The following ELP6 variants were observed in gnomAD, a reference collection of about 807,000 sequenced individuals.
The protein encoded by ELP6 is elongator complex protein 6.
In ELP6, 23 loss-of-function variants were observed where a neutral mutation model predicts 28.1. The ratio of observed to expected loss-of-function variants is 0.82; its 90% CI spans 0.59 to 1.16. ELP6 has a LOEUF of 1.16. Among genes scored for constraint, ELP6 ranks in the 50% most tolerant of loss-of-function variants. The pLI is 0.00. For missense variants in ELP6, 313 were observed against 334.6 expected, an observed-to-expected ratio of 0.94 and a Z score of 0.50; for synonymous variants, 132 against 135.8, an observed-to-expected ratio of 0.97 and a Z score of 0.19.
Position 47,509,736 on chromosome 3 carries a change from T to C in ELP6, c.204+448A>G, listed in dbSNP as rs182375452. On this transcript the variant is annotated intron_variant, in intron 3 of 6. Coordinates refer to ENST00000296149, the MANE Select transcript of ELP6 (RefSeq NM_001031703.3). ...AATAAGACATGCTGAGATGCTACCT[T>C]AGCCCTTCGAGTAAGGGGTTCAGGA... Among the ~76,000 whole-genome samples the C allele has an allele frequency of 2.6e-5, 4 of 152,136 alleles. No individual in the cohort carries two copies. In the East Asian group the frequency reaches 5.8e-4, roughly 22 times the overall value.
intron 3 of ELP6, among the ~76,000 whole-genome samples, chr3:47,506,683 G>A (rs1238235291): frequency 5.3e-5 from 8 of 152,016 alleles, no homozygotes; most frequent in Admixed American, 5.2e-4. Flanking sequence ...TTTTTTCAAG[G>A]TGCCCAGATT....
chr3:47,501,801 G>A lies in ELP6; in HGVS notation c.374C>T (p.Ala125Val), dbSNP rs763084928. 1.9e-6 allele frequency: 3 copies of A among 1,613,862 alleles called. No individual in the cohort carries two copies. The highest frequency in any genetic ancestry group is 2.2e-5 in the East Asian group (1 of 44,892). The change falls in exon 5 of 7, where the codon GCC becomes GTC. Residue 125 changes from alanine to valine, a missense_variant. Coordinates refer to ENST00000296149, the MANE Select transcript of ELP6 (RefSeq NM_001031703.3). ...CTCTCCACTGTCTACTGGCTTCAGG[G>A]CCTCCCGTACAAACTCAAACAATGG... is the stretch of plus-strand genomic sequence containing the variant. Reference protein sequence around the residue: ...LKPLFEFVREALKPVDSGEAR... With the variant: ...LKPLFEFVREVLKPVDSGEAR...
chr3:47,513,576 A>C lies in ELP6; in HGVS notation c.15T>G (p.Leu5=). 1 of 1,612,992 alleles carries C rather than the reference A, an allele frequency of 6.2e-7. No individual in the cohort carries two copies. The stretch of plus-strand genomic sequence containing the variant: ...CGGGGGTGGTGTTAAGCAGGTTATT[A>C]AGTTCCACGAACATTCCGAGCTCCT... MFVE[L]NNLLNTTPDR... Residue 5 remains leucine (L), a synonymous_variant, in exon 1 of 7, where the codon CTT becomes CTG. Transcript: ENST00000296149.
Position 47,498,378 on chromosome 3 carries a change from C to T in ELP6, c.580G>A (p.Asp194Asn), listed in dbSNP as rs1361532795. ...DSGDAEDEEN[D>N]ILLNGLSHQS... ...TGACTGAGGCCATTCAGCAGGATGT[C>T]ATTCTCCTCATCCTCCGCATCTCCA... The change falls in exon 6 of 7, where the codon GAC becomes AAC. Residue 194 changes from aspartate (D) to asparagine (N), a missense_variant. By Grantham distance (23) the Asp-to-Asn change is conservative. Coordinates refer to ENST00000296149, the MANE Select transcript of ELP6 (RefSeq NM_001031703.3). The T allele has an allele frequency of 4.3e-5, 69 of 1,613,692 alleles. No individual in the cohort carries two copies. Among genetic ancestry groups the T allele is most frequent in the Non-Finnish European group, 5.8e-5 (68 of 1,180,034 alleles).
In ELP6 at chr3:47,513,670, C is replaced by G; in HGVS notation, c.-80G>C. The G allele has an allele frequency of 1.3e-6, 2 of 1,564,520 alleles. No homozygotes were observed. The highest frequency in any genetic ancestry group is 2.3e-5 in the East Asian group (1 of 43,016). On this transcript the variant is annotated 5_prime_UTR_variant, in exon 1 of 7. Coordinates refer to ENST00000296149, the MANE Select transcript of ELP6 (RefSeq NM_001031703.3). Reference sequence around the variant, plus strand: ...ACGGAGGCTGGAGAGCAAAACACACCCGACAGCCCGGCTCGCGCAAGGAAG... The same window carrying G: ...ACGGAGGCTGGAGAGCAAAACACACGCGACAGCCCGGCTCGCGCAAGGAAG...
chr3:47,498,604 C>T, intron 5 of ELP6, 172 bp from the exon 6 acceptor site: 2 of 985,402 alleles, frequency 2.0e-6, no homozygotes, highest in Non-Finnish European at 2.4e-6. Flanking sequence ...TTCCAGTCAC[C>T]TACTGGACAA....
intron 1 of ELP6, 84 bp from the exon 2 acceptor site, chr3:47,511,310 A>G (rs572859673): frequency 6.6e-7 from 1 of 1,515,510 alleles, no homozygotes; most frequent in African/African-American, 1.4e-5. Context: ...TTGTGTCCAC[A>G]CCTTAATTTC....
intron 6 of ELP6, among the ~76,000 whole-genome samples, chr3:47,497,703 G>A (rs1708519006): frequency 1.3e-5 from 2 of 151,212 alleles, no homozygotes; most frequent in Non-Finnish European, 2.9e-5. Flanking sequence ...GGGGGGTGGG[G>A]GTGGATCACG....
intron 5 of ELP6, among the ~76,000 whole-genome samples, chr3:47,499,074 A>G (rs1708561933): frequency 6.6e-6 from 1 of 152,256 alleles, no homozygotes; most frequent in Non-Finnish European, 1.5e-5. Flanking sequence ...AATACTGTTC[A>G]GTTGTTAAAA....
At chr3:47,508,687 A>G (rs1192138097) in intron 3 of ELP6, among the ~76,000 whole-genome samples, 1 of 151,624 alleles carries the variant, frequency 6.6e-6, no homozygotes, top group Non-Finnish European at 1.5e-5. Context: ...TTCTTCTTAT[A>G]CATTTCTGGA....
chr3:47,502,610 G>T, intron 4 of ELP6: 1 of 943,960 alleles, frequency 1.1e-6, no homozygotes, highest in Non-Finnish European at 1.3e-6. Flanking sequence ...CAGCGGGGGA[G>T]GATCATTTGA....
At chr3:47,503,540 G>T in intron 4 of ELP6, 2 of 662,308 alleles carry the variant, frequency 3.0e-6, no homozygotes, top group Non-Finnish European at 4.4e-6. Flanking sequence ...AAACAGCCAA[G>T]GACAACATGC....
In ELP6 at chr3:47,498,395, G is replaced by C. The variant is rs62617110; in HGVS notation, c.563C>G (p.Ala188Gly). 44 of 1,613,242 alleles carry C rather than the reference G, an allele frequency of 2.7e-5. No individual in the cohort carries two copies. Among genetic ancestry groups the C allele is most frequent in the Non-Finnish European group, 5.9e-6 (7 of 1,180,022 alleles). ...MVVLVHDSGD[A>G]EDEENDILLN... ...CAGGATGTCATTCTCCTCATCCTCC[G>C]CATCTCCACTGTCGTGCACAAGGAC... is the stretch of plus-strand genomic sequence containing the variant. The change falls in exon 6 of 7, where the codon GCG becomes GGG. Residue 188 changes from alanine to glycine, a missense_variant. Ala to Gly is a moderately conservative substitution (Grantham distance 60). Transcript: ENST00000296149.
intron 3 of ELP6, among the ~76,000 whole-genome samples, chr3:47,508,221 ATTTTATT>A (rs1239242765): frequency 2.0e-5 from 3 of 152,202 alleles, no homozygotes; most frequent in Admixed American, 6.5e-5. Context: ...ACTGGATTTT[ATTTTATT>A]TTTTATTTTT....
At chr3:47,501,182 A>C (rs1708639029) in intron 5 of ELP6, among the ~76,000 whole-genome samples, 1 of 152,240 alleles carries the variant, frequency 6.6e-6, no homozygotes, top group Non-Finnish European at 1.5e-5. Flanking sequence ...ACTAACCAAA[A>C]GAAAACAAAA....
At chr3:47,499,254 C>T (rs1708567796) in intron 5 of ELP6, among the ~76,000 whole-genome samples, 2 of 152,030 alleles carry the variant, frequency 1.3e-5, no homozygotes, top group South Asian at 2.1e-4. Flanking sequence ...CGGTGGCTTA[C>T]GCCTGTAATC....
chr3:47,503,249 G>A, intron 4 of ELP6: 1 of 1,250,008 alleles, frequency 8.0e-7, no homozygotes. Flanking sequence ...CTGCATAAGG[G>A]TGTGTGTGTC....
Sources: allele counts gnomAD v4.1 joint callset (sites outside exome capture counted in the v4.1 genomes callset), GRCh38; gene constraint gnomAD v4.1.1; transcripts MANE v1.5; gene names NCBI Gene and HGNC (gene_info 2026-07-23, HGNC 2026-07-21).